Variants in CDH26 observed in about 807,000 individuals in gnomAD.
CDH26 encodes the protein cadherin-like protein 26.
A neutral mutation model predicts 90.3 loss-of-function variants in CDH26; 83 were observed. That is an observed-to-expected ratio of 0.92 (90% confidence interval 0.77 to 1.10). CDH26 has a LOEUF of 1.10. Among genes scored for constraint, CDH26 ranks in the 50% least tolerant of loss-of-function variants. CDH26 has a pLI of 0.00. For missense variants in CDH26, 1,013 were observed against 1,037.6 expected (o/e 0.98, Z 0.33); for synonymous variants, 397 against 396.3 (o/e 1.00, Z -0.02).
intron 13 of CDH26, 80 bp from the exon 14 acceptor site, chr20:59,999,506 T>C: frequency 2.4e-6 from 3 of 1,244,982 alleles, no homozygotes; most frequent in Non-Finnish European, 3.5e-6. Context: ...TTGGAGAAAA[T>C]GTCATTCCTT....
chr20:59,960,975 G>A (rs1466746975), intron 1 of CDH26, among the ~76,000 whole-genome samples: 2 of 152,248 alleles, frequency 1.3e-5, no homozygotes, highest in Admixed American at 1.3e-4. Context: ...GGAAAACCCT[G>A]TCTGAAAGTG....
intron 7 of CDH26, among the ~76,000 whole-genome samples, chr20:60,021,849 T>TACACACACACACACACACACACACACAC (rs757813328): frequency 9.4e-5 from 4 of 42,624 alleles, no homozygotes; most frequent in Non-Finnish European, 1.7e-4. Context: ...TCCTTATCTG[T>TACACACACACACACACACACACACACAC]ACACACACAC....
chr20:60,008,523 C>T (rs747256302), intron 17 of CDH26, among the ~76,000 whole-genome samples: 14 of 152,142 alleles, frequency 9.2e-5, no homozygotes, highest in African/African-American at 2.4e-4. Flanking sequence ...GTCTGGGGTG[C>T]GCATCTGAGC....
chr20:60,017,069 A>G (rs895350447), downstream of CDH26, among the ~76,000 whole-genome samples: 1 of 151,898 alleles, frequency 6.6e-6, no homozygotes, highest in Non-Finnish European at 1.5e-5. Flanking sequence ...ATTGGCCTGT[A>G]GTTTTCTTTT....
chr20:59,977,764 C>G (rs1423448125), intron 4 of CDH26, among the ~76,000 whole-genome samples: 2 of 151,086 alleles, frequency 1.3e-5, no homozygotes, highest in African/African-American at 4.9e-5. Context: ...AATTGTTGAG[C>G]CAGTATTTTA....
intron 4 of CDH26, among the ~76,000 whole-genome samples, chr20:59,976,954 G>A (rs531944474): frequency 4.6e-5 from 7 of 152,234 alleles, no homozygotes; most frequent in South Asian, 2.1e-4. Flanking sequence ...GAGGGCCACC[G>A]ACCCTGGGCA....
chr20:59,970,217 A>C, intron 3 of CDH26, 31 bp downstream of exon 3: 10 of 1,607,282 alleles, frequency 6.2e-6, no homozygotes, highest in Non-Finnish European at 7.6e-6. Flanking sequence ...GAATGACCCC[A>C]TCATGCCCTC....
At position 60,030,658 on chromosome 20, in the gene CDH26, T is replaced by A. The variant is rs2062033310; in HGVS notation, c.948-573T>A. On this transcript the variant is annotated intron_variant, in intron 7 of 8. Coordinates refer to the CDH26 transcript ENST00000370991. This position sits in a 1 kb window ranked among gnomAD's most constrained non-coding sequence, Gnocchi z 4.0. The stretch of plus-strand genomic sequence containing the variant: ...CAACTCTTTGGATGGACTTTGAAGC[T>A]GAGAGGCTGTAAGTGCAGGGGCAGT... Among the ~76,000 whole-genome samples the A allele has an allele frequency of 6.6e-6, 1 of 152,142 alleles. No individual in the cohort carries two copies.
rs2061027265 is a variant in CDH26, at chr20:59,958,592, C to G, written c.-135C>G. The stretch of plus-strand genomic sequence containing the variant: ...GAGGAGCAAGATGGGATGAAAGCAT[C>G]TGGGCCAAAGTGACCTGAAAACCTT... On this transcript the variant is annotated 5_prime_UTR_variant, in exon 1 of 18. It adds an upstream start codon to the 5' untranslated region. Transcript: ENST00000348616. 1.3e-6 allele frequency: 1 copy of G among 769,996 alleles called. No individual in the cohort carries two copies. The highest frequency in any genetic ancestry group is 2.2e-6 in the Non-Finnish European group (1 of 449,998). 47.7% of individuals were successfully genotyped at this position (769,996 alleles called of 1,614,324 possible).
intron 4 of CDH26, among the ~76,000 whole-genome samples, chr20:59,979,059 T>C (rs1420406516): frequency 4.6e-5 from 7 of 152,158 alleles, no homozygotes; most frequent in African/African-American, 1.7e-4. Flanking sequence ...TCCCTCCCAA[T>C]ACATTTACCT....
rs760176693 is a variant in CDH26 at position 59,995,932 on chromosome 20, C to G, written c.1766C>G (p.Thr589Ser). The change falls in exon 12 of 18, where the codon ACT becomes AGT. Residue 589 changes from threonine to serine, a missense_variant. Thr to Ser is a moderately conservative substitution (Grantham distance 58). Coordinates refer to ENST00000348616, the MANE Select transcript of CDH26 (RefSeq NM_177980.4). ...GDKQGLSQKQTVHVRICPCAS... is the reference protein window; with the variant it reads ...GDKQGLSQKQSVHVRICPCAS... ...AAACAGGGACTTTCCCAGAAGCAAA[C>G]TGTCCATGTAAGGATCTGCCCCTGT... 3.1e-6 allele frequency: 5 copies of G among 1,614,130 alleles called. No individual in the cohort carries two copies. The highest frequency in any genetic ancestry group is 4.2e-6 in the Non-Finnish European group (5 of 1,180,046).
intron 8 of CDH26, among the ~76,000 whole-genome samples, chr20:60,032,974 T>G (rs903979940): frequency 1.3e-5 from 2 of 151,880 alleles, no homozygotes; most frequent in African/African-American, 4.8e-5. Context: ...AATGTGCACA[T>G]GTACCCTAAA....
chr20:59,960,618 C>T (rs1019462826), intron 1 of CDH26, among the ~76,000 whole-genome samples: 1 of 152,216 alleles, frequency 6.6e-6, no homozygotes, highest in African/African-American at 2.4e-5. Context: ...AGACCAGTGT[C>T]ACCCTTCTTA....
At chr20:59,999,988 C>A (rs2061654785) in intron 14 of CDH26, among the ~76,000 whole-genome samples, 1 of 152,130 alleles carries the variant, frequency 6.6e-6, no homozygotes, top group African/African-American at 2.4e-5. Flanking sequence ...ACACTTTTTT[C>A]TTAAAATGGG....
At chr20:59,964,685 T>C (rs1288893967) in intron 1 of CDH26, among the ~76,000 whole-genome samples, 2 of 152,188 alleles carry the variant, frequency 1.3e-5, no homozygotes. Context: ...CAATGTGAAA[T>C]TTAAGGCATC....
chr20:59,966,689 C>T (rs1254366700), intron 1 of CDH26, among the ~76,000 whole-genome samples: 2 of 152,162 alleles, frequency 1.3e-5, no homozygotes, highest in Non-Finnish European at 2.9e-5. Flanking sequence ...GCAAACAATG[C>T]CTTAGTGTTC....
intron 3 of CDH26, 145 bp downstream of exon 3, chr20:59,970,331 C>A: frequency 1.7e-6 from 2 of 1,155,986 alleles, no homozygotes; most frequent in Non-Finnish European, 2.4e-6. Flanking sequence ...GCCTGGGGTT[C>A]AGGAAGCCTG....
chr20:59,971,190 G>A (rs772602688), intron 3 of CDH26, among the ~76,000 whole-genome samples: 2 of 152,204 alleles, frequency 1.3e-5, no homozygotes, highest in African/African-American at 2.4e-5. Context: ...AATAGTGCAC[G>A]CCTACTGTTA....
intron 3 of CDH26, among the ~76,000 whole-genome samples, chr20:59,970,412 T>A (rs552111763): frequency 3.8e-4 from 58 of 152,040 alleles, no homozygotes; most frequent in Non-Finnish European, 5.3e-4. Context: ...TGTGAGTGTC[T>A]GATGAGAATC....
Sources: allele counts gnomAD v4.1 joint callset (sites outside exome capture counted in the v4.1 genomes callset), GRCh38; gene constraint gnomAD v4.1.1; non-coding constraint Gnocchi (gnomAD v3.1); transcripts MANE v1.5; gene names NCBI Gene and HGNC (gene_info 2026-07-23, HGNC 2026-07-21).